IPCEF1: variants seen among roughly 807,000 people sequenced by gnomAD.
IPCEF1 encodes the protein interaction protein for cytohesin exchange factors 1.
In IPCEF1, 31 loss-of-function variants were observed where a neutral mutation model predicts 50.9. The ratio of observed to expected loss-of-function variants is 0.61; its 90% CI spans 0.46 to 0.82. The LOEUF is 0.82. Among genes scored for constraint, IPCEF1 ranks in the 40% least tolerant of loss-of-function variants. IPCEF1 has a pLI of 0.00. For missense variants in IPCEF1, 458 were observed against 514.0 expected, an observed-to-expected ratio of 0.89 and a Z score of 1.05; for synonymous variants, 181 against 192.0, an observed-to-expected ratio of 0.94 and a Z score of 0.47.
At chr6:154,309,567 G>T (rs1783023166) in intron 1 of IPCEF1, among the ~76,000 whole-genome samples, 1 of 151,982 alleles carries the variant, frequency 6.6e-6, no homozygotes, top group South Asian at 2.1e-4. Flanking sequence ...CATTATGCTG[G>T]GGAGGTGCCG....
intron 1 of IPCEF1, among the ~76,000 whole-genome samples, chr6:154,350,349 C>A (rs1007639138): frequency 1.3e-5 from 2 of 152,200 alleles, no homozygotes; most frequent in African/African-American, 4.8e-5. Flanking sequence ...TCATGATAAT[C>A]TGGGATCACT....
intron 5 of IPCEF1, among the ~76,000 whole-genome samples, chr6:154,239,514 C>G (rs908478407): frequency 1.3e-5 from 2 of 152,168 alleles, no homozygotes. Context: ...AGCATTTTTA[C>G]CCCTTTGATC....
At chr6:154,341,617 G>A (rs944132180) in intron 1 of IPCEF1, among the ~76,000 whole-genome samples, 2 of 152,162 alleles carry the variant, frequency 1.3e-5, no homozygotes, top group African/African-American at 4.8e-5. Flanking sequence ...AATTTCCCAA[G>A]CTTCCTCCTT....
intron 10 of IPCEF1, among the ~76,000 whole-genome samples, chr6:154,186,705 C>T (rs1469243264): frequency 2.0e-5 from 3 of 152,032 alleles, no homozygotes; most frequent in East Asian, 1.9e-4. Flanking sequence ...TACAGGCGCC[C>T]GCCATCACGC....
chr6:154,355,490 C>CTTTT (rs1562300809), intron 1 of IPCEF1, among the ~76,000 whole-genome samples: 1 of 136,344 alleles, frequency 7.3e-6, no homozygotes. Flanking sequence ...TTCTTTCTTT[C>CTTTT]TTTCTTTTTT....
intron 1 of IPCEF1, among the ~76,000 whole-genome samples, chr6:154,303,844 C>T (rs1043590726): frequency 6.6e-6 from 1 of 152,150 alleles, no homozygotes; most frequent in Admixed American, 6.5e-5. Context: ...TTGCTTGAGC[C>T]CGGGAGGTCA....
chr6:154,184,737 A>G (rs1283748659), intron 10 of IPCEF1, among the ~76,000 whole-genome samples: 1 of 149,858 alleles, frequency 6.7e-6, no homozygotes, highest in Non-Finnish European at 1.5e-5. Context: ...CATTGGGAAA[A>G]TGCTGGTAAA....
chr6:154,249,735 G>A (rs917316796), intron 3 of IPCEF1, among the ~76,000 whole-genome samples: 3 of 152,050 alleles, frequency 2.0e-5, no homozygotes, highest in Admixed American at 6.5e-5. Context: ...TGAGCACCCA[G>A]TGGGACTGGA....
At chr6:154,286,590 T>C (rs1782365741) in intron 2 of IPCEF1, among the ~76,000 whole-genome samples, 6 of 152,196 alleles carry the variant, frequency 3.9e-5, no homozygotes, top group Admixed American at 3.9e-4. Flanking sequence ...TCATAAAATC[T>C]GAAATCCAGC....
intron 11 of IPCEF1, among the ~76,000 whole-genome samples, chr6:154,165,325 A>G (rs973916869): frequency 1.3e-5 from 2 of 151,684 alleles, no homozygotes; most frequent in African/African-American, 4.8e-5. Context: ...AAAGACAACC[A>G]CTCTCTTGAC....
At chr6:154,186,417 A>C (rs1179808772) in intron 10 of IPCEF1, among the ~76,000 whole-genome samples, 1 of 152,140 alleles carries the variant, frequency 6.6e-6, no homozygotes, top group Non-Finnish European at 1.5e-5. Flanking sequence ...ACTGCTTTCC[A>C]TCTCAACCTA....
intron 9 of IPCEF1, among the ~76,000 whole-genome samples, chr6:154,205,898 G>C (rs1777453413): frequency 6.6e-6 from 1 of 151,912 alleles, no homozygotes; most frequent in Admixed American, 6.6e-5. Context: ...GATTACAATA[G>C]CAGACCCTTC....
intron 1 of IPCEF1, among the ~76,000 whole-genome samples, chr6:154,336,575 A>G (rs1165205632): frequency 6.6e-6 from 1 of 152,140 alleles, no homozygotes; most frequent in Non-Finnish European, 1.5e-5. Flanking sequence ...ATATACAAAC[A>G]TACAGTTAGA....
rs1798851395 is a variant in IPCEF1 at position 154,159,590 on chromosome 6, A to G, written c.*238T>C. 3.9e-6 allele frequency: 2 copies of G among 519,114 alleles called. No individual in the cohort carries two copies. The highest frequency in any genetic ancestry group is 3.3e-6 in the Non-Finnish European group (1 of 298,752). 32.2% of individuals were successfully genotyped at this position (519,114 alleles called of 1,614,324 possible). ...ATCACCGTGAGCTCCCAGTAGGAACACAAAAAACGCCTTTCAACTGAACTC... is the reference window on the plus strand; with the variant it reads ...ATCACCGTGAGCTCCCAGTAGGAACGCAAAAAACGCCTTTCAACTGAACTC... On this transcript the variant is annotated 3_prime_UTR_variant, in exon 12 of 12. Transcript: ENST00000367220.
intron 10 of IPCEF1, among the ~76,000 whole-genome samples, chr6:154,169,459 T>C (rs779622477): frequency 6.6e-6 from 1 of 152,172 alleles, no homozygotes; most frequent in African/African-American, 2.4e-5. Flanking sequence ...TTTAAACCCA[T>C]GCAAGTCGAC....
chr6:154,354,291 C>T (rs1784165763), intron 1 of IPCEF1, among the ~76,000 whole-genome samples: 1 of 152,146 alleles, frequency 6.6e-6, no homozygotes, highest in African/African-American at 2.4e-5. Context: ...TCACCTCCAA[C>T]CACCATCTCC....
chr6:154,320,840 T>A (rs1783354913), intron 1 of IPCEF1, among the ~76,000 whole-genome samples: 1 of 152,144 alleles, frequency 6.6e-6, no homozygotes, highest in Non-Finnish European at 1.5e-5. Context: ...GACCTCACCT[T>A]TAAAAAATTG....
intron 3 of IPCEF1, among the ~76,000 whole-genome samples, chr6:154,255,776 CTCT>C (rs752729739): frequency 6.8e-4 from 103 of 152,162 alleles, no homozygotes; most frequent in Non-Finnish European, 1.2e-3. Context: ...GTTACTAATA[CTCT>C]TTTTTGAAAG....
chr6:154,323,538 T>C (rs556182839), intron 1 of IPCEF1, among the ~76,000 whole-genome samples: 3 of 152,404 alleles, frequency 2.0e-5, no homozygotes, highest in African/African-American at 7.2e-5. Flanking sequence ...ATTTATTTGA[T>C]ATTTACACAT....
Sources: allele counts gnomAD v4.1 joint callset (sites outside exome capture counted in the v4.1 genomes callset), GRCh38; gene constraint gnomAD v4.1.1; transcripts MANE v1.5; gene names NCBI Gene and HGNC (gene_info 2026-07-23, HGNC 2026-07-21).